FSIP1: variants seen among roughly 807,000 people sequenced by gnomAD.
The protein encoded by FSIP1 is fibrous sheath-interacting protein 1.
In FSIP1, 65 loss-of-function variants were observed where a neutral mutation model predicts 60.9. The observed-to-expected ratio is 1.07, with a 90% CI of 0.87 to 1.31. The LOEUF (loss-of-function observed/expected upper bound fraction) is 1.31. FSIP1 is among the 40% of genes most tolerant of loss of function. The pLI, the probability that FSIP1 is intolerant of heterozygous loss-of-function variation, is 0.00. For missense variants in FSIP1, 675 were observed against 665.5 expected, an observed-to-expected ratio of 1.01 and a Z score of -0.16; for synonymous variants, 209 against 221.2, an observed-to-expected ratio of 0.94 and a Z score of 0.49.
chr15:39,732,611 C>T (rs1246812396), intron 8 of FSIP1, among the ~76,000 whole-genome samples: 3 of 113,594 alleles, frequency 2.6e-5, no homozygotes, highest in Admixed American at 2.1e-4. Flanking sequence ...AAGAGTGAAA[C>T]TCCATCTCAA....
chr15:39,774,947 C>G (rs1305304465), intron 2 of FSIP1, among the ~76,000 whole-genome samples: 1 of 152,164 alleles, frequency 6.6e-6, no homozygotes, highest in African/African-American at 2.4e-5. Context: ...CCCTGAACTC[C>G]CTTTCTTGCT....
chr15:39,694,173 T>A (rs988350356), intron 10 of FSIP1, among the ~76,000 whole-genome samples: 1 of 152,144 alleles, frequency 6.6e-6, no homozygotes, highest in Non-Finnish European at 1.5e-5. Flanking sequence ...AGATTTATTT[T>A]TTTTTTTTGG....
intron 5 of FSIP1, among the ~76,000 whole-genome samples, chr15:39,755,169 G>T (rs915884975): frequency 6.6e-6 from 1 of 152,102 alleles, no homozygotes; most frequent in African/African-American, 2.4e-5. Context: ...GTTAAACATG[G>T]TAAGTTAAAG....
intron 10 of FSIP1, among the ~76,000 whole-genome samples, chr15:39,671,458 A>G (rs1566878551): frequency 6.6e-6 from 1 of 152,198 alleles, no homozygotes; most frequent in Non-Finnish European, 1.5e-5. Context: ...TATGAAGACT[A>G]TGTTAATGTT....
At chr15:39,774,543 C>A (rs1340225331) in intron 2 of FSIP1, among the ~76,000 whole-genome samples, 2 of 150,244 alleles carry the variant, frequency 1.3e-5, no homozygotes, top group East Asian at 3.9e-4. Flanking sequence ...TGAAAACAAA[C>A]AATATGGAAG....
At chr15:39,609,329 C>A (rs888815053) in intron 11 of FSIP1, among the ~76,000 whole-genome samples, 1 of 152,166 alleles carries the variant, frequency 6.6e-6, no homozygotes, top group Non-Finnish European at 1.5e-5. Flanking sequence ...CTGGTGCTCT[C>A]CTTAAGCCTT....
At chr15:39,619,980 T>C (rs2140384489) in intron 10 of FSIP1, among the ~76,000 whole-genome samples, 1 of 152,194 alleles carries the variant, frequency 6.6e-6, no homozygotes, top group South Asian at 2.1e-4. Context: ...ATATGATAGA[T>C]GTTTGGCAGT....
chr15:39,768,703 T>C (rs1897774215), intron 3 of FSIP1, among the ~76,000 whole-genome samples: 1 of 152,228 alleles, frequency 6.6e-6, no homozygotes, highest in Non-Finnish European at 1.5e-5. Flanking sequence ...AGAAACTTAA[T>C]AGCCTATTCA....
chr15:39,703,841 T>C (rs1170935210), intron 10 of FSIP1, among the ~76,000 whole-genome samples: 2 of 150,812 alleles, frequency 1.3e-5, no homozygotes, highest in African/African-American at 4.9e-5. Context: ...TTGATCTATG[T>C]AGTCAATAAC....
intron 7 of FSIP1, among the ~76,000 whole-genome samples, 191 bp downstream of exon 7, chr15:39,739,474 G>A (rs1320121764): frequency 1.3e-5 from 2 of 152,194 alleles, no homozygotes; most frequent in African/African-American, 2.4e-5. Context: ...GATAGGATAG[G>A]ATGTAGTGGG....
intron 11 of FSIP1, among the ~76,000 whole-genome samples, chr15:39,611,039 C>G (rs1431994563): frequency 6.6e-6 from 1 of 152,034 alleles, no homozygotes; most frequent in Non-Finnish European, 1.5e-5. Flanking sequence ...GCAAAAAGCA[C>G]TAAATGGTGT....
At chr15:39,634,541 C>A (rs564349510) in intron 10 of FSIP1, among the ~76,000 whole-genome samples, 38 of 152,340 alleles carry the variant, frequency 2.5e-4, no homozygotes, top group Admixed American at 1.6e-3. Context: ...TTATACATTT[C>A]ATAACTCAGC....
intron 10 of FSIP1, among the ~76,000 whole-genome samples, chr15:39,677,044 C>A (rs1566880991): frequency 6.6e-6 from 1 of 152,010 alleles, no homozygotes; most frequent in Admixed American, 6.6e-5. Context: ...TAGGAGAGGG[C>A]AGTTAAGGAA....
rs145532210 is a variant in FSIP1, at chr15:39,691,966, T to C, written c.1188+21478A>G. 4.6e-3 allele frequency among the ~76,000 whole-genome samples: 704 copies of C among 152,334 alleles called. 3 individuals are homozygous for C. Among genetic ancestry groups the C allele is most frequent in the Non-Finnish European group, 7.3e-3 (500 of 68,032 alleles). ...TCACCAAAAAGAAAAAACAATTTCC[T>C]GTTTTGTGCTGTCAGTAAAATGTAA... On this transcript the variant is annotated intron_variant, in intron 10 of 11. Transcript: ENST00000350221.
chr15:39,681,177 G>A (rs1477480427), intron 10 of FSIP1, among the ~76,000 whole-genome samples: 3 of 152,126 alleles, frequency 2.0e-5, no homozygotes, highest in Non-Finnish European at 4.4e-5. Context: ...GAGTTATACA[G>A]CCAAGATTCA....
At chr15:39,710,946 C>T (rs1004852276) in intron 10 of FSIP1, among the ~76,000 whole-genome samples, 2 of 152,230 alleles carry the variant, frequency 1.3e-5, no homozygotes, top group African/African-American at 2.4e-5. Flanking sequence ...TAACAACCAA[C>T]TCTTGACATT....
chr15:39,733,042 G>C (rs67426899), intron 8 of FSIP1, among the ~76,000 whole-genome samples: 27,055 of 152,068 alleles, frequency 0.18, 2,789 homozygotes, highest in East Asian at 0.4. Flanking sequence ...GTAAATATTA[G>C]TGTAAATATT....
At chr15:39,699,706 A>C (rs942961152) in intron 10 of FSIP1, among the ~76,000 whole-genome samples, 8 of 152,166 alleles carry the variant, frequency 5.3e-5, no homozygotes, top group Non-Finnish European at 1.0e-4. Flanking sequence ...TGTGAAAACG[A>C]GTTTCTTCCT....
intron 5 of FSIP1, among the ~76,000 whole-genome samples, chr15:39,754,946 A>G (rs1377071657): frequency 6.6e-6 from 1 of 152,104 alleles, no homozygotes; most frequent in African/African-American, 2.4e-5. Flanking sequence ...CAGACACTGA[A>G]AAGTTAAGAA....
Sources: allele counts gnomAD v4.1 joint callset (sites outside exome capture counted in the v4.1 genomes callset), GRCh38; gene constraint gnomAD v4.1.1; transcripts MANE v1.5; gene names NCBI Gene and HGNC (gene_info 2026-07-23, HGNC 2026-07-21).